Variants in IFFO2 observed in about 807,000 individuals in gnomAD.
IFFO2 encodes intermediate filament family orphan 2.
IFFO2 carries 19 observed loss-of-function variants against 53.5 expected under a neutral mutation model. The observed-to-expected ratio is 0.36, with a 90% confidence interval of 0.25 to 0.52. The LOEUF (loss-of-function observed/expected upper bound fraction) is 0.52. Ranked by LOEUF, IFFO2 falls within the 20% of genes least tolerant of loss-of-function variation. The pLI, the probability that IFFO2 is intolerant of heterozygous loss-of-function variation, is 0.94. For missense variants in IFFO2, 570 were observed against 727.4 expected (o/e 0.78, Z 2.49); for synonymous variants, 303 against 313.6 (o/e 0.97, Z 0.36).
At chr1:18,950,300 G>C (rs1459117009) in intron 1 of IFFO2, among the ~76,000 whole-genome samples, 2 of 152,200 alleles carry the variant, frequency 1.3e-5, no homozygotes, top group Non-Finnish European at 2.9e-5. Context: ...TAGGCAGTCA[G>C]GGCCATGCTG....
intron 5 of IFFO2, among the ~76,000 whole-genome samples, chr1:18,915,387 T>TTG (rs56172741): frequency 2.6e-5 from 4 of 151,922 alleles, no homozygotes; most frequent in Non-Finnish European, 5.9e-5. Flanking sequence ...GATTGGTAGC[T>TTG]CTGATTTCCT....
At chr1:18,921,013 T>C (rs779606886) in intron 2 of IFFO2, 48 bp downstream of exon 2, 19 of 1,520,316 alleles carry the variant, frequency 1.2e-5, no homozygotes, top group East Asian at 2.5e-5. Flanking sequence ...CTTGGCCACA[T>C]GGCTCTCTGG....
chr1:18,915,355 T>C (rs1936115748), intron 5 of IFFO2, among the ~76,000 whole-genome samples: 1 of 136,428 alleles, frequency 7.3e-6, no homozygotes, highest in South Asian at 2.7e-4. Context: ...TTCCGGGAGG[T>C]GGCAGAGCCT....
chr1:18,920,292 GA>G (rs1161451937), intron 2 of IFFO2, among the ~76,000 whole-genome samples: 1 of 152,056 alleles, frequency 6.6e-6, no homozygotes, highest in Non-Finnish European at 1.5e-5. Context: ...AATTTATAAA[GA>G]AAAAAGCCCT....
At chr1:18,940,562 C>CGGAT (rs142740984) in intron 1 of IFFO2, among the ~76,000 whole-genome samples, 36,554 of 148,280 alleles carry the variant, frequency 0.25, 5,049 homozygotes, top group South Asian at 0.35. Context: ...GATGGACAAA[C>CGGAT]GGATGGATGG....
Position 18,919,578 on chromosome 1 carries a change from T to C in IFFO2, c.822+100A>G. 1.3e-6 allele frequency: 1 copy of C among 796,694 alleles called. No individual in the cohort carries two copies. Among genetic ancestry groups the C allele is most frequent in the Non-Finnish European group, 2.1e-6 (1 of 468,558 alleles). The allele number at this position is 796,694 out of a possible 1,614,324, so 49.4% of individuals were successfully genotyped here. A position where few individuals can be genotyped will look rare whatever the true frequency, so the allele number is the denominator to read the frequency against. ...GGTCAAACACAGCCAGCCAGGATTC[T>C]AACTAGAAGCCGAGCCCCGGAGCCT... On this transcript the variant is annotated intron_variant, in intron 3 of 8. Transcript: ENST00000455833. The surrounding 1 kb of genome is among the most constrained non-coding windows in gnomAD (Gnocchi z 4.9).
intron 1 of IFFO2, among the ~76,000 whole-genome samples, chr1:18,926,923 A>C (rs1278468084): frequency 1.3e-5 from 2 of 152,228 alleles, no homozygotes; most frequent in East Asian, 3.9e-4. Flanking sequence ...CCAGCAAAAC[A>C]ATGAAGCCCT....
chr1:18,935,148 G>T (rs924721286), intron 1 of IFFO2, among the ~76,000 whole-genome samples: 3 of 152,174 alleles, frequency 2.0e-5, no homozygotes, highest in Non-Finnish European at 4.4e-5. Context: ...ACAATGTTTT[G>T]TGCCTTAGTT....
In IFFO2 at chr1:18,936,531, G is replaced by T. The variant is rs1389577825; in HGVS notation, c.666-15410C>A. 1.3e-5 allele frequency among the ~76,000 whole-genome samples: 2 copies of T among 152,208 alleles called. No individual in the cohort carries two copies. The highest frequency in any genetic ancestry group is 4.8e-5 in the African/African-American group (2 of 41,458). The stretch of plus-strand genomic sequence containing the variant: ...GGTCTGTGCCCAGGAGAGTGTGGGG[G>T]CCCCCAGGCCCAGGGTTATGTTTAC... On this transcript the variant is annotated intron_variant, in intron 1 of 8. Coordinates refer to ENST00000455833, the MANE Select transcript of IFFO2 (RefSeq NM_001136265.2). This position sits in a 1 kb window ranked among gnomAD's most constrained non-coding sequence, Gnocchi z 4.5.
intron 5 of IFFO2, among the ~76,000 whole-genome samples, chr1:18,912,874 T>C (rs1414124332): frequency 6.6e-6 from 1 of 152,134 alleles, no homozygotes; most frequent in Non-Finnish European, 1.5e-5. Flanking sequence ...TAGAAGTAGG[T>C]TGACCAACCA....
chr1:18,910,822 T>C (rs924344370), intron 7 of IFFO2, among the ~76,000 whole-genome samples: 4 of 152,270 alleles, frequency 2.6e-5, no homozygotes, highest in Non-Finnish European at 4.4e-5. Flanking sequence ...TTTCTGACTC[T>C]TGTCCTCTAT....
At chr1:18,954,831 T>C (rs994171976) in intron 1 of IFFO2, among the ~76,000 whole-genome samples, 2 of 152,244 alleles carry the variant, frequency 1.3e-5, no homozygotes, top group African/African-American at 4.8e-5. Flanking sequence ...CCAGAGATTG[T>C]GGTCTCAGTC....
Position 18,940,367 on chromosome 1 carries a change from CT to C in IFFO2, c.665+15300del, listed in dbSNP as rs201026397. Among the ~76,000 whole-genome samples, 374 of 152,334 alleles carry C rather than the reference CT, an allele frequency of 2.5e-3. 2 individuals are homozygous for C. The highest frequency in any genetic ancestry group is 8.7e-3 in the African/African-American group (360 of 41,582). Reference sequence around the variant, plus strand: ...TGCAACTTTGGGCAAGTCACTGCCCCTCTCTGACAAAAGGGAGAGAAAATAT... The same window carrying C: ...TGCAACTTTGGGCAAGTCACTGCCCCCTCTGACAAAAGGGAGAGAAAATAT... On this transcript the variant is annotated intron_variant, in intron 1 of 8. Coordinates refer to ENST00000455833, the MANE Select transcript of IFFO2 (RefSeq NM_001136265.2).
chr1:18,930,925 C>T (rs1017164059), intron 1 of IFFO2, among the ~76,000 whole-genome samples: 8 of 152,186 alleles, frequency 5.3e-5, no homozygotes, highest in African/African-American at 1.9e-4. Flanking sequence ...AATCCCAACA[C>T]TTTGGGAGGC....
chr1:18,907,093 G>A lies in IFFO2; in HGVS notation c.*1468C>T, dbSNP rs2100634873. ...AGAGGGACCCAAGTTCTAGTCCTTG[G>A]GCACATTTTGCTACCTTGACCACTA... is the stretch of plus-strand genomic sequence containing the variant. On this transcript the variant is annotated 3_prime_UTR_variant, in exon 9 of 9. Transcript: ENST00000455833. The A allele has an allele frequency of 6.6e-6, 1 of 152,264 alleles. No individual in the cohort carries two copies. Among genetic ancestry groups the A allele is most frequent in the Middle Eastern group, 3.4e-3 (1 of 294 alleles). 9.4% of individuals were successfully genotyped at this position (152,264 alleles called of 1,614,324 possible).
intron 1 of IFFO2, among the ~76,000 whole-genome samples, chr1:18,938,782 G>GC (rs11294307): frequency 6.6e-6 from 1 of 152,040 alleles, no homozygotes; most frequent in East Asian, 1.9e-4. Context: ...AACTGGCCTG[G>GC]CCCCCCCAGG....
At chr1:18,935,370 T>C (rs1319011831) in intron 1 of IFFO2, among the ~76,000 whole-genome samples, 2 of 152,118 alleles carry the variant, frequency 1.3e-5, no homozygotes, top group African/African-American at 4.8e-5. Context: ...GGCCACGTGC[T>C]AGGGTAGAGT....
chr1:18,938,064 C>T (rs1473786298), intron 1 of IFFO2, among the ~76,000 whole-genome samples: 5 of 151,296 alleles, frequency 3.3e-5, no homozygotes, highest in Admixed American at 2.7e-4. Context: ...CGGCTTGGGG[C>T]AAAGTGGGAG....
At chr1:18,950,977 C>T (rs1184178239) in intron 1 of IFFO2, among the ~76,000 whole-genome samples, 3 of 152,190 alleles carry the variant, frequency 2.0e-5, no homozygotes, top group Non-Finnish European at 2.9e-5. Context: ...CGACTGCTGG[C>T]GGATGATGCG....
Sources: allele counts gnomAD v4.1 joint callset (sites outside exome capture counted in the v4.1 genomes callset), GRCh38; gene constraint gnomAD v4.1.1; non-coding constraint Gnocchi (gnomAD v3.1); transcripts MANE v1.5; gene names NCBI Gene and HGNC (gene_info 2026-07-23, HGNC 2026-07-21).